The following SDHAF3 variants were observed in gnomAD, a reference collection of about 807,000 sequenced individuals.
SDHAF3 encodes the protein succinate dehydrogenase assembly factor 3, mitochondrial.
SDHAF3 carries 18 observed loss-of-function variants against 11.5 expected under a neutral mutation model. The ratio of observed to expected loss-of-function variants is 1.56; its 90% confidence interval spans 1.08 to 2.32. The LOEUF (loss-of-function observed/expected upper bound fraction) is 2.32, where lower values mean the gene tolerates loss of function less well. SDHAF3 is among the 30% of genes most tolerant of loss of function. The pLI is 0.00. For synonymous variants in SDHAF3, 72 were observed against 59.3 expected (o/e 1.21, Z -0.99); for missense variants, 200 against 154.4 (o/e 1.30, Z -1.57).
intron 1 of SDHAF3, among the ~76,000 whole-genome samples, chr7:97,131,390 C>T (rs1338075106): frequency 6.6e-6 from 1 of 152,138 alleles, no homozygotes; most frequent in East Asian, 1.9e-4. Context: ...GCCTGAAGTG[C>T]TAATTGCCTG....
chr7:97,118,091 C>T (rs1408661144), intron 1 of SDHAF3, among the ~76,000 whole-genome samples, 194 bp downstream of exon 1: 2 of 152,120 alleles, frequency 1.3e-5, no homozygotes, highest in Non-Finnish European at 2.9e-5. Flanking sequence ...GTTACTTCAG[C>T]GTCCCCAATT....
At chr7:97,168,320 C>T (rs1035748668) in intron 1 of SDHAF3, among the ~76,000 whole-genome samples, 5 of 152,120 alleles carry the variant, frequency 3.3e-5, no homozygotes, top group Non-Finnish European at 7.3e-5. Context: ...CTTGTAGCCT[C>T]CAGCTGCATG....
At chr7:97,144,156 C>G (rs1027778968) in intron 1 of SDHAF3, among the ~76,000 whole-genome samples, 3 of 151,860 alleles carry the variant, frequency 2.0e-5, no homozygotes, top group Non-Finnish European at 4.4e-5. Flanking sequence ...TGTCTACTTA[C>G]ATTCTTTACT....
At chr7:97,158,233 C>T (rs910923123) in intron 1 of SDHAF3, among the ~76,000 whole-genome samples, 4 of 152,106 alleles carry the variant, frequency 2.6e-5, no homozygotes, top group Admixed American at 6.6e-5. Context: ...TACATTTCCA[C>T]GAATATAGAA....
chr7:97,120,335 C>T (rs973719381), intron 1 of SDHAF3, among the ~76,000 whole-genome samples: 1 of 152,020 alleles, frequency 6.6e-6, no homozygotes, highest in Non-Finnish European at 1.5e-5. Context: ...GGGAGTTAGA[C>T]GTGGTAGGTT....
intron 1 of SDHAF3, among the ~76,000 whole-genome samples, chr7:97,165,634 G>A (rs567046424): frequency 2.0e-5 from 3 of 151,960 alleles, no homozygotes; most frequent in South Asian, 2.1e-4. Flanking sequence ...GATAAACCTC[G>A]GTCTGAATTC....
intron 1 of SDHAF3, among the ~76,000 whole-genome samples, chr7:97,166,057 C>T (rs941637595): frequency 1.3e-5 from 2 of 152,154 alleles, no homozygotes; most frequent in African/African-American, 4.8e-5. Context: ...TGAGTCTTGA[C>T]ATCTTGTTCC....
intron 1 of SDHAF3, among the ~76,000 whole-genome samples, chr7:97,178,763 C>T (rs995802186): frequency 2.0e-5 from 3 of 152,134 alleles, no homozygotes; most frequent in Non-Finnish European, 2.9e-5. Flanking sequence ...TTTTCAGATA[C>T]GATTTGCAAA....
chr7:97,140,113 T>C (rs1789007421), intron 1 of SDHAF3, among the ~76,000 whole-genome samples: 1 of 152,192 alleles, frequency 6.6e-6, no homozygotes, highest in Non-Finnish European at 1.5e-5. Flanking sequence ...TTCTATGTTC[T>C]AGTCACTTAA....
rs760600848 is a variant in SDHAF3, at chr7:97,117,719, G to T, written c.-5G>T. On this transcript the variant is annotated 5_prime_UTR_variant, in exon 1 of 2. Transcript: ENST00000432641. ...AGGCGCAGTCGGCGGTCGGCGTGGG[G>T]CGCTATGCCGGGGCGGCACGTTTCT... 1.2e-6 allele frequency: 2 copies of T among 1,610,706 alleles called. No individual in the cohort carries two copies. Among genetic ancestry groups the T allele is most frequent in the South Asian group, 1.1e-5 (1 of 90,964 alleles).
chr7:97,149,047 C>T (rs1439053768), intron 1 of SDHAF3, among the ~76,000 whole-genome samples: 3 of 151,740 alleles, frequency 2.0e-5, no homozygotes, highest in South Asian at 2.1e-4. Context: ...CTCCCACCTG[C>T]GCCTCCTGAG....
At chr7:97,152,019 CTTGTTTTCTT>C (rs1562826341) in intron 1 of SDHAF3, among the ~76,000 whole-genome samples, 1 of 152,126 alleles carries the variant, frequency 6.6e-6, no homozygotes, top group African/African-American at 2.4e-5. Flanking sequence ...AGGGTTTACT[CTTGTTTTCTT>C]ACTTTCTGTG....
At position 97,117,700 on chromosome 7, in the gene SDHAF3, A is replaced by T. The variant is rs1370319531; in HGVS notation, c.-24A>T. ...ACGCGCCGTCCCTCTGCGCAGGCGC[A>T]GTCGGCGGTCGGCGTGGGGCGCTAT... On this transcript the variant is annotated 5_prime_UTR_variant, in exon 1 of 2. Transcript: ENST00000432641. 1 of 1,603,778 alleles carries T rather than the reference A, an allele frequency of 6.2e-7. No homozygotes were observed. The highest frequency in any genetic ancestry group is 1.3e-5 in the African/African-American group (1 of 74,860).
Position 97,138,365 on chromosome 7 carries a change from G to C in SDHAF3, c.174+20468G>C, listed in dbSNP as rs34786218. 3.3e-5 allele frequency among the ~76,000 whole-genome samples: 5 copies of C among 151,804 alleles called. No individual in the cohort carries two copies. The East Asian group carries it at 9.8e-4, about 30-fold the overall frequency. On this transcript the variant is annotated intron_variant, in intron 1 of 1. Coordinates refer to ENST00000432641, the MANE Select transcript of SDHAF3 (RefSeq NM_020186.3). ...TTTAGTAGAGACAGGGTTTCACCAC[G>C]TTGGCCAGGCTGGTTTCGAACTCCT...
intron 1 of SDHAF3, among the ~76,000 whole-genome samples, chr7:97,170,958 A>C (rs529595829): frequency 6.6e-6 from 1 of 152,320 alleles, no homozygotes; most frequent in East Asian, 1.9e-4. Context: ...ACCTCGTCAG[A>C]ATGAGCCCAA....
At chr7:97,151,501 T>C (rs1431335153) in intron 1 of SDHAF3, among the ~76,000 whole-genome samples, 1 of 27,484 alleles carries the variant, frequency 3.6e-5, no homozygotes, top group Non-Finnish European at 6.6e-5. Flanking sequence ...TAACCTTTAG[T>C]CCTTTTTTTT....
intron 1 of SDHAF3, among the ~76,000 whole-genome samples, chr7:97,144,449 C>T (rs1789105290): frequency 2.0e-5 from 3 of 152,114 alleles, no homozygotes; most frequent in Non-Finnish European, 4.4e-5. Flanking sequence ...AGTTTCAGGT[C>T]TTAGGTTTAA....
chr7:97,168,533 G>A (rs1210600403), intron 1 of SDHAF3, among the ~76,000 whole-genome samples: 1 of 152,214 alleles, frequency 6.6e-6, no homozygotes, highest in Non-Finnish European at 1.5e-5. Context: ...AGTTGGTTAG[G>A]TCAGATCTCT....
intron 1 of SDHAF3, among the ~76,000 whole-genome samples, chr7:97,149,571 G>A (rs1275906488): frequency 6.6e-6 from 1 of 152,110 alleles, no homozygotes; most frequent in Non-Finnish European, 1.5e-5. Context: ...GCATATAAAA[G>A]TTATGTTTAC....
Sources: gnomAD v4.1 joint callset for allele counts (sites outside exome capture counted in the v4.1 genomes callset) on GRCh38, gnomAD v4.1.1 for gene constraint, MANE v1.5 for transcripts, NCBI Gene and HGNC (gene_info 2026-07-23, HGNC 2026-07-21) for gene names.